Variants in LITAF observed in about 807,000 individuals in gnomAD.
The protein encoded by LITAF is lipopolysaccharide induced TNF factor, also known as lipopolysaccharide-induced tumor necrosis factor-alpha factor.
A neutral mutation model predicts 14.5 loss-of-function variants in LITAF; 9 were observed. The ratio of observed to expected loss-of-function variants is 0.62; its 90% confidence interval spans 0.37 to 1.08. The LOEUF (loss-of-function observed/expected upper bound fraction) is 1.08, where lower values mean the gene tolerates loss of function less well. Ranked by LOEUF, LITAF falls within the 50% of genes least tolerant of loss-of-function variation. The pLI, the probability that LITAF is intolerant of heterozygous loss-of-function variation, is 0.01. For missense variants in LITAF, 206 were observed against 213.4 expected (o/e 0.97, Z 0.22); for synonymous variants, 98 against 88.2 (o/e 1.11, Z -0.62).
chr16:11,596,762 AGAGGAG>A (rs1180139154), intron 1 of LITAF, among the ~76,000 whole-genome samples: 1 of 82,264 alleles, frequency 1.2e-5, no homozygotes, highest in African/African-American at 4.9e-5. Context: ...AGAAGAAGGG[AGAGGAG>A]GAGGGGGAGG....
chr16:11,556,760 G>T lies in LITAF; in HGVS notation c.-5-25C>A, dbSNP rs369221364. 7 of 1,582,028 alleles carry T rather than the reference G, an allele frequency of 4.4e-6. No homozygotes were observed. The African/African-American group carries it at 6.7e-5, about 15-fold the overall frequency. On this transcript the variant is annotated intron_variant, in intron 1 of 3. Coordinates refer to ENST00000622633, the MANE Select transcript of LITAF (RefSeq NM_001136472.2). ...CCTAAAACAGAAACAGAACATACCA[G>T]ATAAGAAATTCAGTTGATCTCTCCC... is the stretch of plus-strand genomic sequence containing the variant.
intron 1 of LITAF, among the ~76,000 whole-genome samples, chr16:11,565,316 C>G (rs1831032895): frequency 6.6e-6 from 1 of 152,024 alleles, no homozygotes; most frequent in South Asian, 2.1e-4. Context: ...CTCCTAACCT[C>G]AAGTGATCCA....
rs560588330 is a variant in LITAF, at chr16:11,609,702, T to C, written c.85+23831A>G. ...CAGAGCCTCAGAGGCCCCCATCTGC[T>C]ACGGTTGAGAGATGCCTGCTGTTCA... On this transcript the variant is annotated intron_variant, in intron 3 of 3. Transcript: ENST00000574848. 8.3e-4 allele frequency among the ~76,000 whole-genome samples: 127 copies of C among 152,302 alleles called. No individual in the cohort carries two copies. The Middle Eastern group carries it at 0.014, about 16-fold the overall frequency.
At chr16:11,557,654 C>T (rs758085320) in intron 1 of LITAF, among the ~76,000 whole-genome samples, 4 of 152,096 alleles carry the variant, frequency 2.6e-5, no homozygotes, top group Non-Finnish European at 4.4e-5. Context: ...TCTCACTTTG[C>T]TATCTAGGCT....
At chr16:11,560,227 G>A (rs1161039759) in intron 1 of LITAF, among the ~76,000 whole-genome samples, 1 of 151,894 alleles carries the variant, frequency 6.6e-6, no homozygotes, top group Non-Finnish European at 1.5e-5. Flanking sequence ...AACACGGGAG[G>A]TGGAGGTTGC....
intron 2 of LITAF, chr16:11,633,666 A>G (rs2065127602): frequency 6.6e-6 from 1 of 152,202 alleles, no homozygotes; most frequent in South Asian, 2.1e-4. Context: ...GGAGGCATGA[A>G]TAATCCACCC....
At chr16:11,587,198 C>T, upstream of LITAF, 1 of 365,992 alleles carries the variant, frequency 2.7e-6, no homozygotes, top group Non-Finnish European at 5.4e-6. Flanking sequence ...CTCTCCTATC[C>T]TGCCCCTGCC....
At position 11,549,095 on chromosome 16, in the gene LITAF, T is replaced by G. The variant is rs1459669267; in HGVS notation, c.*542A>C. On this transcript the variant is annotated 3_prime_UTR_variant, in exon 4 of 4. Coordinates refer to ENST00000622633, the MANE Select transcript of LITAF (RefSeq NM_001136472.2). This position sits in a 1 kb window ranked among gnomAD's most constrained non-coding sequence, Gnocchi z 4.6. The stretch of plus-strand genomic sequence containing the variant: ...AAATTAAAGTGAATCTGTGTGCTAA[T>G]GAAGTCTGCAGTTACAGAATCTCAA... 2.2e-6 allele frequency: 1 copy of G among 454,036 alleles called. No individual in the cohort carries two copies. Among genetic ancestry groups the G allele is most frequent in the Non-Finnish European group, 4.4e-6 (1 of 226,790 alleles). The allele number at this position is 454,036 out of a possible 1,614,324, so 28.1% of individuals were successfully genotyped here.
At chr16:11,622,255 C>A (rs947523672) in intron 3 of LITAF, among the ~76,000 whole-genome samples, 32 of 152,356 alleles carry the variant, frequency 2.1e-4, no homozygotes, top group African/African-American at 7.2e-4. Context: ...GGCACGGCCA[C>A]CCTCGGGCTG....
At chr16:11,640,237 C>A (rs534941329), upstream of LITAF, among the ~76,000 whole-genome samples, 3 of 152,130 alleles carry the variant, frequency 2.0e-5, no homozygotes, top group Non-Finnish European at 4.4e-5. Flanking sequence ...GTTCGTGGAG[C>A]GACTGAGTGT....
At chr16:11,550,327 T>C (rs2064164411) in intron 3 of LITAF, among the ~76,000 whole-genome samples, 1 of 152,142 alleles carries the variant, frequency 6.6e-6, no homozygotes, top group African/African-American at 2.4e-5. Flanking sequence ...TGACCTCAAG[T>C]GATCCACCCG....
Position 11,625,903 on chromosome 16 carries a change from C to G in LITAF, c.85+7630G>C, listed in dbSNP as rs1034426656. Among the ~76,000 whole-genome samples, 10 of 152,216 alleles carry G rather than the reference C, an allele frequency of 6.6e-5. No individual in the cohort carries two copies. The South Asian group carries it at 2.1e-3, about 32-fold the overall frequency. On this transcript the variant is annotated intron_variant, in intron 3 of 3. Coordinates refer to the LITAF transcript ENST00000574848. ...TGATCCTCACAATGGTCCTACGAGG[C>G]AGAAAACCTCATGACCCCAGTGCCC...
At chr16:11,569,629 C>CTACG (rs113772758) in intron 1 of LITAF, among the ~76,000 whole-genome samples, 350 of 152,298 alleles carry the variant, frequency 2.3e-3, no homozygotes, top group African/African-American at 8.2e-3. Flanking sequence ...ATGGCGTGGA[C>CTACG]TACGGCCTGG....
upstream of LITAF, among the ~76,000 whole-genome samples, chr16:11,638,117 T>TATAGATAG (rs1555475736): frequency 5.8e-5 from 4 of 69,534 alleles, 1 homozygote; most frequent in Non-Finnish European, 1.1e-4. Flanking sequence ...TATCTATCTA[T>TATAGATAG]ATAGATAGAT....
intron 1 of LITAF, among the ~76,000 whole-genome samples, chr16:11,563,647 C>G (rs1419337439): frequency 6.6e-6 from 1 of 152,140 alleles, no homozygotes; most frequent in Non-Finnish European, 1.5e-5. Flanking sequence ...CATTCTGTCA[C>G]TGGGCACCTT....
intron 1 of LITAF, among the ~76,000 whole-genome samples, chr16:11,597,984 G>A (rs1006916861): frequency 1.3e-5 from 2 of 152,162 alleles, no homozygotes; most frequent in African/African-American, 2.4e-5. Flanking sequence ...ATAGCTCACT[G>A]CAGCCTCTAC....
chr16:11,560,271 T>C (rs1322913594), intron 1 of LITAF, among the ~76,000 whole-genome samples: 2 of 151,994 alleles, frequency 1.3e-5, no homozygotes, highest in Admixed American at 1.3e-4. Flanking sequence ...CACTCTAGCC[T>C]GGGCAACAGA....
At chr16:11,572,862 G>C (rs1432797406) in intron 1 of LITAF, among the ~76,000 whole-genome samples, 1 of 151,958 alleles carries the variant, frequency 6.6e-6, no homozygotes, top group Admixed American at 6.6e-5. Context: ...CCATAGGGAA[G>C]TAGATGCTGG....
chr16:11,596,283 T>A (rs886767836), intron 1 of LITAF, among the ~76,000 whole-genome samples: 1 of 151,996 alleles, frequency 6.6e-6, no homozygotes, highest in African/African-American at 2.4e-5. Flanking sequence ...GCAGGGGCCC[T>A]GTAAACCGCA....
Sources: gnomAD v4.1 joint callset for allele counts (sites outside exome capture counted in the v4.1 genomes callset) on GRCh38, gnomAD v4.1.1 for gene constraint, Gnocchi (gnomAD v3.1) non-coding constraint, MANE v1.5 for transcripts, NCBI Gene and HGNC (gene_info 2026-07-23, HGNC 2026-07-21) for gene names.